Variants in PUM2 observed in about 807,000 individuals in gnomAD.
PUM2 encodes the protein pumilio homolog 2.
Under a neutral mutation model 124.5 loss-of-function variants are expected in PUM2, and 57 were observed. That is an observed-to-expected ratio of 0.46 (90% confidence interval 0.37 to 0.57). PUM2 has a LOEUF of 0.57. Ranked by LOEUF, PUM2 falls within the 20% of genes least tolerant of loss-of-function variation. PUM2 has a pLI of 0.00. For missense variants in PUM2, 1,065 were observed against 1,290.6 expected, an observed-to-expected ratio of 0.83 and a Z score of 2.68; for synonymous variants, 460 against 446.1, an observed-to-expected ratio of 1.03 and a Z score of -0.39.
intron 7 of PUM2, among the ~76,000 whole-genome samples, chr2:20,306,994 C>T (rs914002395): frequency 6.6e-6 from 1 of 151,848 alleles, no homozygotes. Flanking sequence ...GGGGGCTGAT[C>T]ACCTGAGATC....
chr2:20,253,512 CTT>C (rs1000241569), intron 20 of PUM2, among the ~76,000 whole-genome samples: 17 of 142,514 alleles, frequency 1.2e-4, no homozygotes, highest in Admixed American at 2.1e-4. Context: ...AATTGTTTTT[CTT>C]TTTTTTTTTT....
intron 7 of PUM2, among the ~76,000 whole-genome samples, chr2:20,299,444 C>T (rs1676432562): frequency 2.0e-5 from 3 of 152,172 alleles, no homozygotes; most frequent in South Asian, 4.1e-4. Context: ...ATAGGTAGAT[C>T]ACTTGAGGCC....
At chr2:20,256,716 C>T (rs1048894414) in intron 16 of PUM2, among the ~76,000 whole-genome samples, 1 of 152,018 alleles carries the variant, frequency 6.6e-6, no homozygotes, top group African/African-American at 2.4e-5. Flanking sequence ...GAATTAATGT[C>T]AGGTATCTTT....
intron 3 of PUM2, among the ~76,000 whole-genome samples, chr2:20,318,204 TTAA>T (rs971867394): frequency 7.9e-5 from 12 of 152,210 alleles, no homozygotes; most frequent in African/African-American, 1.7e-4. Context: ...ATCTTATTTT[TTAA>T]TAATAGCCAC....
At chr2:20,339,127 CA>C (rs563706311) in intron 1 of PUM2, among the ~76,000 whole-genome samples, 1 of 151,230 alleles carries the variant, frequency 6.6e-6, no homozygotes, top group African/African-American at 2.4e-5. Flanking sequence ...TAGCTTATTT[CA>C]AAAAAAATGT....
At chr2:20,257,384 T>G (rs991279633) in intron 16 of PUM2, among the ~76,000 whole-genome samples, 1 of 152,168 alleles carries the variant, frequency 6.6e-6, no homozygotes, top group African/African-American at 2.4e-5. Flanking sequence ...GAAATTTTCT[T>G]TTATTGTATG....
chr2:20,320,083 C>T (rs545831370), intron 2 of PUM2, among the ~76,000 whole-genome samples: 37 of 152,028 alleles, frequency 2.4e-4, no homozygotes, highest in African/African-American at 8.0e-4. Flanking sequence ...CTGGCCAAGA[C>T]GGTGAAACCT....
rs759423646 is a variant in PUM2 at position 20,312,346 on chromosome 2, T to C, written c.238A>G (p.Ile80Val). The C allele has an allele frequency of 1.5e-5, 24 of 1,613,316 alleles. No individual in the cohort carries two copies. The highest frequency in any genetic ancestry group is 4.5e-5 in the East Asian group (2 of 44,856). Reference sequence around the variant, plus strand: ...CCACTTTCTGATCGCGGAGACAGTATTGCATTTACTTCACTGTTTCCATGA... The same window carrying C: ...CCACTTTCTGATCGCGGAGACAGTACTGCATTTACTTCACTGTTTCCATGA... ...GFHGNSEVNA[I>V]LSPRSESGGL... is the part of the protein sequence containing the mutation. The change falls in exon 4 of 21, where the codon ATA (isoleucine) becomes GTA (valine). Residue 80 changes from isoleucine to valine, a missense_variant. Physicochemically the swap from Ile to Val is conservative, Grantham distance 29 (BLOSUM62 3). This residue lies in a region of PUM2 where 90 missense variants were observed against 103.6 expected (regional missense o/e 0.87). Transcript: ENST00000361078.
At chr2:20,333,499 CCT>C (rs972129062) in intron 1 of PUM2, among the ~76,000 whole-genome samples, 8 of 151,628 alleles carry the variant, frequency 5.3e-5, no homozygotes, top group African/African-American at 1.7e-4. Context: ...ACAGTAAGAC[CCT>C]GTCTCAAAAA....
At chr2:20,298,826 G>A (rs62123453) in intron 7 of PUM2, among the ~76,000 whole-genome samples, 6,226 of 152,228 alleles carry the variant, frequency 0.041, 120 homozygotes, top group Middle Eastern at 0.068. Flanking sequence ...GCAAGAGGGC[G>A]AGACTCCGTC....
At chr2:20,350,021 G>C (rs923004688) in intron 1 of PUM2, among the ~76,000 whole-genome samples, 1 of 152,172 alleles carries the variant, frequency 6.6e-6, no homozygotes, top group Non-Finnish European at 1.5e-5. Flanking sequence ...CGCTAATCTT[G>C]TCTTTGGTTT....
At chr2:20,330,546 G>A (rs578166091) in intron 1 of PUM2, among the ~76,000 whole-genome samples, 19 of 152,214 alleles carry the variant, frequency 1.2e-4, no homozygotes, top group Non-Finnish European at 2.4e-4. Flanking sequence ...GGAGCTTACA[G>A]ATAGCTGAAC....
At chr2:20,314,776 T>C (rs1318920189) in intron 3 of PUM2, among the ~76,000 whole-genome samples, 1 of 152,202 alleles carries the variant, frequency 6.6e-6, no homozygotes. Context: ...AAATATTGAT[T>C]CATTCTCTTG....
chr2:20,308,128 A>G, intron 6 of PUM2, 57 bp from the exon 7 acceptor site: 5 of 1,563,446 alleles, frequency 3.2e-6, no homozygotes, highest in Admixed American at 1.8e-5. Context: ...ATTTCTAATT[A>G]GAAATCTGAA....
chr2:20,287,148 G>A (rs150875237), intron 10 of PUM2, among the ~76,000 whole-genome samples: 1 of 152,318 alleles, frequency 6.6e-6, no homozygotes, highest in African/African-American at 2.4e-5. Flanking sequence ...TTTAACATAT[G>A]ACATAGATCT....
intron 9 of PUM2, among the ~76,000 whole-genome samples, chr2:20,293,381 C>T (rs1427608568): frequency 6.6e-6 from 1 of 152,118 alleles, no homozygotes; most frequent in Admixed American, 6.6e-5. Flanking sequence ...AAGGACTGAG[C>T]CAAAAACAGC....
intron 16 of PUM2, among the ~76,000 whole-genome samples, chr2:20,257,614 T>C (rs189036440): frequency 4.0e-4 from 61 of 152,304 alleles, no homozygotes; most frequent in African/African-American, 1.3e-3. Flanking sequence ...ATCTGGTGGA[T>C]CAGCATTTAT....
intron 13 of PUM2, among the ~76,000 whole-genome samples, chr2:20,276,138 A>T (rs1344202265): frequency 1.3e-5 from 2 of 152,000 alleles, no homozygotes; most frequent in Non-Finnish European, 2.9e-5. Context: ...AGATTTTTAT[A>T]AAAAAATTAA....
Position 20,263,675 on chromosome 2 carries a change from TAA to T in PUM2, c.1958-217_1958-216del, listed in dbSNP as rs1357125244. Among the ~76,000 whole-genome samples the T allele has an allele frequency of 2.0e-5, 3 of 152,090 alleles. No individual in the cohort carries two copies. The East Asian group carries it at 5.8e-4, about 29-fold the overall frequency. ...AAGAGACTAGAAAACATGAGAAAAATAAGTGTGTATTTATTCTTCAGCAGCTT... is the reference window on the plus strand; with the variant it reads ...AAGAGACTAGAAAACATGAGAAAAATGTGTGTATTTATTCTTCAGCAGCTT... On this transcript the variant is annotated intron_variant, in intron 13 of 20. Transcript: ENST00000361078.
Sources: allele counts gnomAD v4.1 joint callset (sites outside exome capture counted in the v4.1 genomes callset), GRCh38; gene constraint gnomAD v4.1.1; regional missense constraint gnomAD v4.1.1; transcripts MANE v1.5; gene names NCBI Gene and HGNC (gene_info 2026-07-23, HGNC 2026-07-21).